Variants in NUP98 observed in about 807,000 individuals in gnomAD.
The protein encoded by NUP98 is nuclear pore complex protein Nup98-Nup96.
NUP98 carries 26 observed loss-of-function variants against 191.9 expected under a neutral mutation model. That is an observed-to-expected ratio of 0.14 (90% confidence interval 0.10 to 0.19). The LOEUF (loss-of-function observed/expected upper bound fraction) is 0.19. Ranked by LOEUF, NUP98 falls within the 10% of genes least tolerant of loss-of-function variation. The pLI is 1.00. For synonymous variants in NUP98, 808 were observed against 778.4 expected (o/e 1.04, Z -0.63); for missense variants, 1,941 against 2,178.8 (o/e 0.89, Z 2.17).
At chr11:3,685,069 T>C (rs1360611910) in intron 29 of NUP98, among the ~76,000 whole-genome samples, 1 of 152,128 alleles carries the variant, frequency 6.6e-6, no homozygotes, top group African/African-American at 2.4e-5. Flanking sequence ...AATAACAGTG[T>C]CTATCTCACA....
intron 25 of NUP98, chr11:3,697,227 C>A (rs1436521347): frequency 6.6e-6 from 1 of 152,082 alleles, no homozygotes; most frequent in Non-Finnish European, 1.5e-5. Context: ...GCCTGGTCAA[C>A]ATACAGACCC....
At chr11:3,691,034 C>A (rs1444186429) in intron 28 of NUP98, among the ~76,000 whole-genome samples, 1 of 152,102 alleles carries the variant, frequency 6.6e-6, no homozygotes, top group African/African-American at 2.4e-5. Context: ...AAGGGGCACA[C>A]AGGCATTTTT....
chr11:3,682,181 G>A (rs2078001588), intron 30 of NUP98, among the ~76,000 whole-genome samples: 1 of 152,208 alleles, frequency 6.6e-6, no homozygotes, highest in African/African-American at 2.4e-5. Context: ...GGAATGTTGT[G>A]GCTGGTTTCA....
At chr11:3,742,858 G>A (rs1367969780) in intron 12 of NUP98, among the ~76,000 whole-genome samples, 1 of 151,970 alleles carries the variant, frequency 6.6e-6, no homozygotes, top group African/African-American at 2.4e-5. Context: ...AATTTGCAAA[G>A]GTTTCTCAAA....
At chr11:3,686,665 C>A (rs902823450) in intron 28 of NUP98, among the ~76,000 whole-genome samples, 5 of 152,070 alleles carry the variant, frequency 3.3e-5, no homozygotes, top group African/African-American at 1.2e-4. Flanking sequence ...TATGTAGACA[C>A]CTGTAAAACC....
At chr11:3,791,533 C>CAAAAAAAAAA (rs71041395) in intron 1 of NUP98, among the ~76,000 whole-genome samples, 13 of 67,212 alleles carry the variant, frequency 1.9e-4, no homozygotes, top group African/African-American at 7.4e-4. Flanking sequence ...GACCTCGTCT[C>CAAAAAAAAAA]AAAAAAAAAA....
intron 16 of NUP98, among the ~76,000 whole-genome samples, chr11:3,721,764 T>A (rs930329092): frequency 2.0e-5 from 3 of 151,260 alleles, no homozygotes; most frequent in East Asian, 1.9e-4. Context: ...GAAAAAAAAA[T>A]ACCAAAATAA....
intron 12 of NUP98, among the ~76,000 whole-genome samples, chr11:3,743,318 A>G (rs2080355745): frequency 6.7e-6 from 1 of 149,206 alleles, no homozygotes; most frequent in African/African-American, 2.5e-5. Flanking sequence ...GGTCCAGCCC[A>G]TAATTTTCTT....
In NUP98 at chr11:3,709,654, C is replaced by T. The variant is rs372437399; in HGVS notation, c.2742+2910G>A. On this transcript the variant is annotated intron_variant, in intron 20 of 32. Transcript: ENST00000324932. The stretch of plus-strand genomic sequence containing the variant: ...CCAAGAGTTCAACCAGCCTGAGGAA[C>T]ATAGGAAAACTTTGCCTCAGAAAAA... Among the ~76,000 whole-genome samples, 403 of 147,714 alleles carry T rather than the reference C, an allele frequency of 2.7e-3. 3 individuals carry two copies. The highest frequency in any genetic ancestry group is 9.2e-3 in the African/African-American group (367 of 39,900).
chr11:3,791,909 G>A (rs1037734114), intron 1 of NUP98, among the ~76,000 whole-genome samples: 3 of 151,544 alleles, frequency 2.0e-5, no homozygotes, highest in Non-Finnish European at 4.4e-5. Flanking sequence ...GCTGGGCGCA[G>A]CGGCTCATGC....
At chr11:3,787,487 G>A (rs1481283896) in intron 1 of NUP98, among the ~76,000 whole-genome samples, 2 of 152,164 alleles carry the variant, frequency 1.3e-5, no homozygotes, top group Non-Finnish European at 2.9e-5. Context: ...AGAGACTGAG[G>A]CAGGAGAGTC....
chr11:3,775,936 G>T lies in NUP98; in HGVS notation c.441C>A (p.Leu147=), dbSNP rs1363232597. The stretch of plus-strand genomic sequence containing the variant: ...CAGCTGTAAAACTACTTGGCCCAAA[G>T]AGGGAGCCAGATGTGCTGCCAAAAG... ...SNPFGSTSGS[L]FGPSSFTAAP... is the part of the protein sequence containing the mutation. Residue 147 remains leucine (L), a synonymous_variant, in exon 5 of 33, where the codon CTC becomes CTA. Coordinates refer to ENST00000324932, the MANE Select transcript of NUP98 (RefSeq NM_016320.5). 1 of 1,613,588 alleles carries T rather than the reference G, an allele frequency of 6.2e-7. No individual in the cohort carries two copies. Among genetic ancestry groups the T allele is most frequent in the Non-Finnish European group, 8.5e-7 (1 of 1,179,652 alleles).
At chr11:3,683,118 T>C in intron 30 of NUP98, 82 bp downstream of exon 30, 14 of 1,570,696 alleles carry the variant, frequency 8.9e-6, no homozygotes, top group South Asian at 2.4e-5. Context: ...TTGAGTCTTA[T>C]TTCCAGTCTG....
chr11:3,732,873 C>T (rs746173603), intron 13 of NUP98, among the ~76,000 whole-genome samples: 27 of 152,180 alleles, frequency 1.8e-4, no homozygotes, highest in South Asian at 6.2e-4. Context: ...TTGTTATTCC[C>T]AGATTGTTGT....
chr11:3,735,623 T>C (rs1271864077), intron 12 of NUP98, among the ~76,000 whole-genome samples: 2 of 152,118 alleles, frequency 1.3e-5, no homozygotes, highest in Non-Finnish European at 2.9e-5. Context: ...TAAACAACCC[T>C]GATGAAATAT....
At chr11:3,786,131 C>G (rs911133429) in intron 1 of NUP98, among the ~76,000 whole-genome samples, 1 of 152,158 alleles carries the variant, frequency 6.6e-6, no homozygotes, top group Non-Finnish European at 1.5e-5. Context: ...TCTATTTGCC[C>G]AAGACAAAGC....
At chr11:3,727,281 C>A (rs1213611844) in intron 14 of NUP98, among the ~76,000 whole-genome samples, 2 of 150,914 alleles carry the variant, frequency 1.3e-5, no homozygotes, top group African/African-American at 4.9e-5. Context: ...CACAGGAAGA[C>A]CTCATCTCAA....
intron 1 of NUP98, among the ~76,000 whole-genome samples, chr11:3,793,696 CATGGTGG>C (rs2082431230): frequency 2.0e-5 from 3 of 152,140 alleles, no homozygotes; most frequent in Admixed American, 1.3e-4. Context: ...TATGGCTGGG[CATGGTGG>C]CTCACGCCTG....
Position 3,676,325 on chromosome 11 carries a change from T to C in NUP98, c.5237A>G (p.His1746Arg), listed in dbSNP as rs753265462. ...TGAGTCGGAGGTTCTATCAGGAGGA[T>C]GATGCAGACTCAGCACCACGCGCAG... ...NLLRVVLSLH[H>R]PPDRTSDSTP... Residue 1746 changes from histidine (H) to arginine (R), a missense_variant, in exon 33 of 33, where the codon CAT becomes CGT. Transcript: ENST00000324932. 9 of 1,613,844 alleles carry C rather than the reference T, an allele frequency of 5.6e-6. No individual in the cohort carries two copies. The highest frequency in any genetic ancestry group is 1.3e-5 in the African/African-American group (1 of 74,886).
Sources: allele counts gnomAD v4.1 joint callset (sites outside exome capture counted in the v4.1 genomes callset), GRCh38; gene constraint gnomAD v4.1.1; transcripts MANE v1.5; gene names NCBI Gene and HGNC (gene_info 2026-07-23, HGNC 2026-07-21).